ABCG2: variants seen among roughly 807,000 people sequenced by gnomAD.
ABCG2 encodes the protein broad substrate specificity ATP-binding cassette transporter ABCG2.
A neutral mutation model predicts 73.5 loss-of-function variants in ABCG2; 80 were observed. The ratio of observed to expected loss-of-function variants is 1.09; its 90% CI spans 0.91 to 1.31. The LOEUF is 1.31. Ranked by LOEUF, ABCG2 falls within the 50% of genes most tolerant of loss-of-function variation. ABCG2 has a pLI of 0.00. For missense variants in ABCG2, 796 were observed against 786.2 expected, an observed-to-expected ratio of 1.01 and a Z score of -0.15; for synonymous variants, 269 against 282.4, an observed-to-expected ratio of 0.95 and a Z score of 0.48.
upstream of ABCG2, among the ~76,000 whole-genome samples, chr4:88,159,907 T>C (rs1727208694): frequency 6.6e-6 from 1 of 152,158 alleles, no homozygotes; most frequent in African/African-American, 2.4e-5. Context: ...TCAAGACCCT[T>C]AAAGGCCCAT....
chr4:88,212,148 C>T (rs1729628289), intron 1 of ABCG2, among the ~76,000 whole-genome samples: 1 of 152,204 alleles, frequency 6.6e-6, no homozygotes, highest in Non-Finnish European at 1.5e-5. Flanking sequence ...TTGCTGGACT[C>T]TGGCGCCCTC....
intron 1 of ABCG2, among the ~76,000 whole-genome samples, chr4:88,190,573 G>T (rs1728647194): frequency 6.6e-6 from 1 of 152,168 alleles, no homozygotes; most frequent in African/African-American, 2.4e-5. Context: ...ACTTGCAGTA[G>T]ATTTCAAACT....
chr4:88,121,848 G>T, intron 5 of ABCG2, 56 bp from the exon 6 acceptor site: 3 of 1,560,144 alleles, frequency 1.9e-6, no homozygotes, highest in Non-Finnish European at 2.6e-6. Flanking sequence ...ATCATTTGGT[G>T]AGCTCCTAAC....
chr4:88,222,040 C>CCTCTTG (rs1730028551), intron 1 of ABCG2, among the ~76,000 whole-genome samples: 2 of 152,284 alleles, frequency 1.3e-5, no homozygotes, highest in Non-Finnish European at 2.9e-5. Context: ...GGTCCAGGGC[C>CCTCTTG]CTCTTGCTAT....
At chr4:88,103,486 G>C (rs1426560336) in intron 10 of ABCG2, among the ~76,000 whole-genome samples, 3 of 152,120 alleles carry the variant, frequency 2.0e-5, no homozygotes, top group African/African-American at 7.2e-5. Flanking sequence ...TATTTGTGGG[G>C]TACCAAGTTA....
intron 1 of ABCG2, among the ~76,000 whole-genome samples, chr4:88,194,417 G>A (rs1026440605): frequency 6.6e-6 from 1 of 151,890 alleles, no homozygotes; most frequent in Admixed American, 6.6e-5. Flanking sequence ...GGGCATGGTG[G>A]CAGGCGCCTG....
intron 1 of ABCG2, among the ~76,000 whole-genome samples, chr4:88,191,305 A>C (rs1324081610): frequency 6.6e-6 from 1 of 150,960 alleles, no homozygotes; most frequent in Non-Finnish European, 1.5e-5. Context: ...AAAATTTACA[A>C]AGACATTTCA....
chr4:88,102,441 C>A (rs1399716390), intron 10 of ABCG2, among the ~76,000 whole-genome samples: 1 of 151,608 alleles, frequency 6.6e-6, no homozygotes, highest in South Asian at 2.1e-4. Context: ...ACTAAAAATA[C>A]AAAAATTAGC....
intron 1 of ABCG2, among the ~76,000 whole-genome samples, chr4:88,190,528 G>A (rs528582060): frequency 1.6e-4 from 25 of 152,292 alleles, no homozygotes; most frequent in Admixed American, 1.1e-3. Context: ...TTGAAGATGA[G>A]TTACTCAGCT....
intron 1 of ABCG2, among the ~76,000 whole-genome samples, chr4:88,187,356 T>A (rs1375099795): frequency 6.6e-6 from 1 of 152,098 alleles, no homozygotes; most frequent in African/African-American, 2.4e-5. Context: ...CTCATGCCTA[T>A]AATCCCAGCA....
intron 11 of ABCG2, among the ~76,000 whole-genome samples, chr4:88,100,506 C>CAA (rs565550337): frequency 6.8e-5 from 7 of 103,192 alleles, no homozygotes; most frequent in African/African-American, 1.9e-4. Flanking sequence ...GACTCTATGT[C>CAA]AAAAAAAAAA....
In ABCG2 at chr4:88,131,233, T is replaced by G. The variant is rs1435437604; in HGVS notation, c.379-20A>C. ...ATCATCCTTAAGGCAAATAGCATTT[T>G]AATGAGACATAATGATAATGAGTCT... On this transcript the variant is annotated intron_variant, in intron 4 of 15. Transcript: ENST00000237612. 2 of 1,610,470 alleles carry G rather than the reference T, an allele frequency of 1.2e-6. No homozygotes were observed. The highest frequency in any genetic ancestry group is 4.5e-5 in the East Asian group (2 of 44,884).
intron 1 of ABCG2, among the ~76,000 whole-genome samples, chr4:88,215,411 T>C (rs1729773834): frequency 6.6e-6 from 1 of 152,156 alleles, no homozygotes; most frequent in Non-Finnish European, 1.5e-5. Flanking sequence ...TTCAAGGAAA[T>C]AGGACTCGGT....
intron 1 of ABCG2, among the ~76,000 whole-genome samples, chr4:88,140,909 T>C (rs115362508): frequency 1.3e-5 from 2 of 152,136 alleles, no homozygotes; most frequent in African/African-American, 4.8e-5. Flanking sequence ...AAACCAAAAG[T>C]TGAGCAAAAA....
At chr4:88,174,099 T>A (rs865774713) in intron 1 of ABCG2, among the ~76,000 whole-genome samples, 33 of 152,216 alleles carry the variant, frequency 2.2e-4, no homozygotes, top group African/African-American at 3.4e-4. Context: ...GAAGAAGTGA[T>A]TACATTAAAT....
At chr4:88,229,776 A>C (rs1232828527) in intron 1 of ABCG2, among the ~76,000 whole-genome samples, 1 of 152,016 alleles carries the variant, frequency 6.6e-6, no homozygotes, top group African/African-American at 2.4e-5. Flanking sequence ...TTTTGGGTTA[A>C]ATGCAACTTT....
chr4:88,121,916 A>G, intron 5 of ABCG2, 124 bp from the exon 6 acceptor site: 1 of 917,192 alleles, frequency 1.1e-6, no homozygotes, highest in East Asian at 2.5e-5. Flanking sequence ...TCTGAACAGC[A>G]AATAAGTGGA....
chr4:88,210,543 C>A (rs1729553542), intron 1 of ABCG2, among the ~76,000 whole-genome samples: 1 of 151,918 alleles, frequency 6.6e-6, no homozygotes, highest in Non-Finnish European at 1.5e-5. Context: ...TAGAAATAAG[C>A]CCCATATAGT....
chr4:88,205,775 C>G (rs528449042), intron 1 of ABCG2, among the ~76,000 whole-genome samples: 5 of 152,164 alleles, frequency 3.3e-5, no homozygotes, highest in African/African-American at 1.2e-4. Flanking sequence ...CTCTGCCTCC[C>G]GGGCTCAAGC....
Sources: gnomAD v4.1 joint callset for allele counts (sites outside exome capture counted in the v4.1 genomes callset) on GRCh38, gnomAD v4.1.1 for gene constraint, MANE v1.5 for transcripts, NCBI Gene and HGNC (gene_info 2026-07-23, HGNC 2026-07-21) for gene names.